NFIB: variants seen among roughly 807,000 people sequenced by gnomAD.
NFIB encodes the protein nuclear factor 1 B-type.
In NFIB, 11 loss-of-function variants were observed where a neutral mutation model predicts 61.5. That is an observed-to-expected ratio of 0.18 (90% CI 0.11 to 0.30). The LOEUF (loss-of-function observed/expected upper bound fraction) is 0.30, where lower values mean the gene tolerates loss of function less well. NFIB is among the 10% of genes least tolerant of loss of function. NFIB has a pLI of 1.00. For synonymous variants in NFIB, 260 were observed against 216.5 expected (o/e 1.20, Z -1.76); for missense variants, 471 against 608.9 (o/e 0.77, Z 2.38).
At chr9:14,305,041 A>T (rs561392954) in intron 2 of NFIB, among the ~76,000 whole-genome samples, 1 of 152,362 alleles carries the variant, frequency 6.6e-6, no homozygotes, top group South Asian at 2.1e-4. Flanking sequence ...CCAACAACAA[A>T]ATCAATGTTT....
intron 3 of NFIB, among the ~76,000 whole-genome samples, chr9:14,171,178 T>A (rs2045525307): frequency 6.6e-6 from 1 of 152,192 alleles, no homozygotes; most frequent in African/African-American, 2.4e-5. Context: ...AAACCCCTGA[T>A]GACTCACTAC....
the NFIB span, among the ~76,000 whole-genome samples, chr9:14,413,644 T>C: frequency 6.6e-6 from 1 of 152,180 alleles, no homozygotes. Context: ...AAATAGAATT[T>C]GGGAATGCTT....
intron 1 of NFIB, among the ~76,000 whole-genome samples, chr9:14,397,140 A>G (rs2061695202): frequency 6.6e-6 from 1 of 152,184 alleles, no homozygotes; most frequent in South Asian, 2.1e-4. Context: ...TAAAAAGCCC[A>G]CTGATATTAG....
intron 1 of NFIB, among the ~76,000 whole-genome samples, chr9:14,393,226 T>C (rs2061645992): frequency 6.6e-6 from 1 of 152,130 alleles, no homozygotes; most frequent in Non-Finnish European, 1.5e-5. Context: ...TGATCAGAAA[T>C]GTGCTGCACA....
chr9:14,311,713 T>A (rs1368118552), intron 1 of NFIB, among the ~76,000 whole-genome samples: 2 of 152,196 alleles, frequency 1.3e-5, no homozygotes, highest in Non-Finnish European at 2.9e-5. Flanking sequence ...ATACTAAAAA[T>A]GCAATGTAAT....
intron 2 of NFIB, among the ~76,000 whole-genome samples, chr9:14,269,472 T>C (rs2057443712): frequency 6.6e-6 from 1 of 152,178 alleles, no homozygotes; most frequent in Non-Finnish European, 1.5e-5. Flanking sequence ...TTCAAAGTGC[T>C]ACTAATCAAC....
chr9:14,235,417 T>A (rs1563930445), intron 2 of NFIB, among the ~76,000 whole-genome samples: 1 of 152,174 alleles, frequency 6.6e-6, no homozygotes. Context: ...TGTAAATGAT[T>A]AGAATAGATA....
rs538908920 is a variant in NFIB at position 14,242,587 on chromosome 9, G to T, written c.563-62807C>A. ...CTCCATAAATCTTTCAGGCCTTTTT[G>T]TGCTAGGAAGAAAGCAAGCACTGTC... On this transcript the variant is annotated intron_variant, in intron 2 of 10. Transcript: ENST00000380953. Among the ~76,000 whole-genome samples the T allele has an allele frequency of 4.6e-5, 7 of 152,260 alleles. No homozygotes were observed. The South Asian group carries it at 1.5e-3, about 32-fold the overall frequency.
Position 14,371,485 on chromosome 9 carries a change from G to T in NFIB, c.108+27039C>A, listed in dbSNP as rs77419994. Among the ~76,000 whole-genome samples, 1,163 of 152,280 alleles carry T rather than the reference G, an allele frequency of 7.6e-3. 21 individuals carry two copies. The highest frequency in any genetic ancestry group is 0.027 in the African/African-American group (1,102 of 41,566). On this transcript the variant is annotated intron_variant, in intron 1 of 8. Coordinates refer to the NFIB transcript ENST00000380934. ...ATTCTGGTTCTGCCACTAGTTACTT[G>T]GGTGATCTCTGGGCAAGTCACTTAG...
intron 2 of NFIB, among the ~76,000 whole-genome samples, chr9:14,259,102 T>C (rs560877811): frequency 1.5e-4 from 23 of 152,350 alleles, no homozygotes; most frequent in Middle Eastern, 3.4e-3. Context: ...AGAATCTCTT[T>C]GGTATTGAGT....
At chr9:14,319,145 C>T (rs781415869) in intron 1 of NFIB, among the ~76,000 whole-genome samples, 7 of 151,102 alleles carry the variant, frequency 4.6e-5, no homozygotes, top group Non-Finnish European at 1.0e-4. Context: ...AGAAAAATGA[C>T]GCTGTTAATA....
intron 1 of NFIB, among the ~76,000 whole-genome samples, chr9:14,375,201 C>T (rs1380702772): frequency 6.6e-6 from 1 of 152,178 alleles, no homozygotes; most frequent in Non-Finnish European, 1.5e-5. Context: ...TCAGAGTCAT[C>T]AGAGCCCTAG....
chr9:14,473,173 T>G, the NFIB span, among the ~76,000 whole-genome samples: 2 of 152,188 alleles, frequency 1.3e-5, no homozygotes, highest in African/African-American at 4.8e-5. Flanking sequence ...CCCTCAATAT[T>G]GAGCTGCAGA....
the NFIB span, among the ~76,000 whole-genome samples, chr9:14,465,523 G>C: frequency 6.6e-6 from 1 of 151,434 alleles, no homozygotes; most frequent in Non-Finnish European, 1.5e-5. Flanking sequence ...TATGAAAATT[G>C]TTGTCACCGT....
intron 5 of NFIB, among the ~76,000 whole-genome samples, chr9:14,149,640 A>G (rs1320173455): frequency 6.6e-6 from 1 of 152,212 alleles, no homozygotes; most frequent in African/African-American, 2.4e-5. Context: ...TTGGTAACAG[A>G]GCGTTAATTA....
intron 2 of NFIB, among the ~76,000 whole-genome samples, chr9:14,231,151 T>C (rs1213219175): frequency 1.4e-5 from 2 of 139,686 alleles, no homozygotes; most frequent in South Asian, 4.6e-4. Flanking sequence ...TATATATATA[T>C]ATATATATAT....
chr9:14,185,843 A>C (rs1480568819), intron 2 of NFIB, among the ~76,000 whole-genome samples: 1 of 152,220 alleles, frequency 6.6e-6, no homozygotes, highest in Non-Finnish European at 1.5e-5. Context: ...TTCCTGAAGA[A>C]ATATTTGGAA....
intron 2 of NFIB, among the ~76,000 whole-genome samples, chr9:14,233,373 A>G (rs1197980559): frequency 6.6e-6 from 1 of 151,532 alleles, no homozygotes; most frequent in East Asian, 1.9e-4. Flanking sequence ...AACCATAAAG[A>G]GCTTTGGTGA....
At chr9:14,391,993 C>T (rs1371001659) in intron 1 of NFIB, among the ~76,000 whole-genome samples, 2 of 152,208 alleles carry the variant, frequency 1.3e-5, no homozygotes, top group Non-Finnish European at 2.9e-5. Flanking sequence ...TTGCTGAAGA[C>T]CCAGGTGGAT....
Sources: allele counts gnomAD v4.1 joint callset (sites outside exome capture counted in the v4.1 genomes callset), GRCh38; gene constraint gnomAD v4.1.1; transcripts MANE v1.5; gene names NCBI Gene and HGNC (gene_info 2026-07-23, HGNC 2026-07-21).